The following SIN3A variants were observed in gnomAD, a reference collection of about 807,000 sequenced individuals.
SIN3A encodes the protein paired amphipathic helix protein Sin3a.
A neutral mutation model predicts 146.1 loss-of-function variants in SIN3A; 14 were observed. The observed-to-expected ratio is 0.10, with a 90% confidence interval of 0.06 to 0.15. The LOEUF (loss-of-function observed/expected upper bound fraction) is 0.15, where lower values mean the gene tolerates loss of function less well. SIN3A is among the 10% of genes least tolerant of loss of function. The probability of loss-of-function intolerance (pLI) is 1.00; values close to 1 mark genes in which losing one functional copy is unlikely to be tolerated. For synonymous variants in SIN3A, 572 were observed against 572.0 expected (o/e 1.00, Z 0.00); for missense variants, 1,028 against 1,576.0 (o/e 0.65, Z 5.89).
chr15:75,440,982 CAAAAAAAA>C (rs769091157), intron 1 of SIN3A, among the ~76,000 whole-genome samples: 7 of 71,580 alleles, frequency 9.8e-5, no homozygotes, highest in Admixed American at 1.6e-4. Flanking sequence ...GACTCTGTCT[CAAAAAAAA>C]AAAAAAAAAA....
At chr15:75,372,439 A>G (rs2141358377) in intron 20 of SIN3A, among the ~76,000 whole-genome samples, 1 of 152,300 alleles carries the variant, frequency 6.6e-6, no homozygotes, top group South Asian at 2.1e-4. Flanking sequence ...AAAGCCTCCA[A>G]AGAAATGCGA....
chr15:75,375,648 C>CA lies in SIN3A; in HGVS notation c.3591+16dup. Reference sequence around the variant, plus strand: ...GGGTGGGAGATGTGTACAGAAATTTCAGTTACTGGTTCTCACCTGATGAGC... The same window carrying CA: ...GGGTGGGAGATGTGTACAGAAATTTCAAGTTACTGGTTCTCACCTGATGAGC... On this transcript the variant is annotated intron_variant, in intron 20 of 20. Transcript: ENST00000394947. 1 of 1,608,156 alleles carries CA rather than the reference C, an allele frequency of 6.2e-7. No homozygotes were observed. The highest frequency in any genetic ancestry group is 8.5e-7 in the Non-Finnish European group (1 of 1,174,558).
chr15:75,397,871 G>A (rs936135307), intron 12 of SIN3A, among the ~76,000 whole-genome samples: 1 of 152,146 alleles, frequency 6.6e-6, no homozygotes, highest in Non-Finnish European at 1.5e-5. Flanking sequence ...CTTACTAAAC[G>A]TAAGTAACAA....
chr15:75,397,035 CA>C (rs2073317935), intron 12 of SIN3A, among the ~76,000 whole-genome samples: 1 of 152,170 alleles, frequency 6.6e-6, no homozygotes, highest in Non-Finnish European at 1.5e-5. Context: ...CCTTGTTCCA[CA>C]TCCAGTAATA....
At chr15:75,388,078 G>T (rs770382138) in intron 16 of SIN3A, among the ~76,000 whole-genome samples, 2 of 152,170 alleles carry the variant, frequency 1.3e-5, no homozygotes, top group Admixed American at 6.6e-5. Context: ...AAAAGCATGG[G>T]TACTTTGCAA....
At chr15:75,396,590 T>C (rs1395417001) in intron 12 of SIN3A, 94 bp from the exon 13 acceptor site, 3 of 879,248 alleles carry the variant, frequency 3.4e-6, no homozygotes, top group East Asian at 4.9e-5. Context: ...TCAAACTCCT[T>C]GGATTTGAAT....
intron 9 of SIN3A, among the ~76,000 whole-genome samples, chr15:75,403,027 G>A (rs909263069): frequency 2.6e-5 from 4 of 152,214 alleles, no homozygotes; most frequent in Non-Finnish European, 5.9e-5. Context: ...AACTGGGATG[G>A]GTGGGAATAT....
At chr15:75,434,604 C>T (rs1343949615) in intron 1 of SIN3A, among the ~76,000 whole-genome samples, 1 of 150,416 alleles carries the variant, frequency 6.6e-6, no homozygotes, top group African/African-American at 2.5e-5. Context: ...GAGCCGAAAT[C>T]GCGCCACTGC....
At chr15:75,442,330 GT>G (rs202178520) in intron 1 of SIN3A, among the ~76,000 whole-genome samples, 67 of 139,268 alleles carry the variant, frequency 4.8e-4, no homozygotes, top group African/African-American at 1.1e-3. Flanking sequence ...GGTTTTGATT[GT>G]TTTTTTTTTT....
At chr15:75,416,373 T>G (rs1448560334) in intron 3 of SIN3A, among the ~76,000 whole-genome samples, 2 of 152,218 alleles carry the variant, frequency 1.3e-5, no homozygotes, top group Non-Finnish European at 2.9e-5. Flanking sequence ...TTGCCCAGGC[T>G]GGAGTGCAGT....
At chr15:75,396,952 C>G (rs1475244089) in intron 12 of SIN3A, among the ~76,000 whole-genome samples, 1 of 152,152 alleles carries the variant, frequency 6.6e-6, no homozygotes, top group Non-Finnish European at 1.5e-5. Context: ...TCCCAAAAGA[C>G]CGCTTTGTCT....
At chr15:75,422,881 G>T in intron 2 of SIN3A, 58 bp from the exon 3 acceptor site, 2 of 1,526,848 alleles carry the variant, frequency 1.3e-6, no homozygotes, top group South Asian at 1.2e-5. Flanking sequence ...TTCCCCAAAT[G>T]AGTCTAAATA....
At chr15:75,396,145 G>A in intron 13 of SIN3A, 113 bp downstream of exon 13, 1 of 788,916 alleles carries the variant, frequency 1.3e-6, no homozygotes, top group Non-Finnish European at 2.1e-6. Context: ...CAGGGTTGGG[G>A]AGAAAGAGAG....
intron 9 of SIN3A, among the ~76,000 whole-genome samples, chr15:75,406,544 G>A (rs1262691745): frequency 6.6e-6 from 1 of 152,124 alleles, no homozygotes; most frequent in Admixed American, 6.6e-5. Context: ...AAAATTAGCC[G>A]GGCGAGGTGG....
At chr15:75,400,310 G>A (rs2073386396) in intron 11 of SIN3A, among the ~76,000 whole-genome samples, 154 bp from the exon 12 acceptor site, 1 of 152,222 alleles carries the variant, frequency 6.6e-6, no homozygotes, top group Admixed American at 6.5e-5. Flanking sequence ...AAAGCTATTA[G>A]TAAGAAAAGG....
chr15:75,370,800 A>G lies in SIN3A; in HGVS notation c.*1179T>C, dbSNP rs2072735565. The G allele has an allele frequency of 6.6e-6, 1 of 152,224 alleles. No individual in the cohort carries two copies. Among genetic ancestry groups the G allele is most frequent in the South Asian group, 2.1e-4 (1 of 4,830 alleles). 9.4% of individuals were successfully genotyped at this position (152,224 alleles called of 1,614,324 possible). ...CTTAAGTATTCTAAGATTTTGGAAT[A>G]TTTTGATTTGGGACAAGTAACAAGT... On this transcript the variant is annotated 3_prime_UTR_variant, in exon 21 of 21. Transcript: ENST00000394947.
upstream of SIN3A, among the ~76,000 whole-genome samples, chr15:75,451,917 G>C (rs1236735627): frequency 1.3e-5 from 2 of 151,958 alleles, no homozygotes; most frequent in Non-Finnish European, 2.9e-5. Flanking sequence ...CCGCCTATTG[G>C]AGACGGACTG....
chr15:75,444,328 C>T (rs2074267470), intron 1 of SIN3A, among the ~76,000 whole-genome samples: 3 of 152,104 alleles, frequency 2.0e-5, no homozygotes, highest in Admixed American at 2.0e-4. Context: ...GTAATCCCAG[C>T]TACTCGGGAG....
intron 2 of SIN3A, 199 bp downstream of exon 2, chr15:75,429,988 A>G (rs1157737073): frequency 1.8e-6 from 1 of 548,956 alleles, no homozygotes; most frequent in Non-Finnish European, 3.2e-6. Flanking sequence ...GCAGAGTGGG[A>G]TACGCAGGGA....
Sources: allele counts gnomAD v4.1 joint callset (sites outside exome capture counted in the v4.1 genomes callset), GRCh38; gene constraint gnomAD v4.1.1; transcripts MANE v1.5; gene names NCBI Gene and HGNC (gene_info 2026-07-23, HGNC 2026-07-21).